Variants in SCFD2 observed in about 807,000 individuals in gnomAD.
SCFD2 encodes sec1 family domain-containing protein 2.
A neutral mutation model predicts 58.9 loss-of-function variants in SCFD2; 54 were observed. That is an observed-to-expected ratio of 0.92 (90% CI 0.74 to 1.15). The LOEUF is 1.15. Among genes scored for constraint, SCFD2 ranks in the 50% most tolerant of loss-of-function variants. The pLI is 0.00. For synonymous variants in SCFD2, 321 were observed against 335.9 expected (o/e 0.96, Z 0.49); for missense variants, 805 against 836.6 (o/e 0.96, Z 0.47).
intron 5 of SCFD2, among the ~76,000 whole-genome samples, chr4:52,944,534 G>A (rs571693191): frequency 2.6e-4 from 39 of 152,254 alleles, no homozygotes; most frequent in African/African-American, 8.9e-4. Flanking sequence ...ATGCAACACT[G>A]TAAAGAGATA....
At chr4:53,297,556 G>C (rs1219636228) in intron 3 of SCFD2, among the ~76,000 whole-genome samples, 1 of 151,916 alleles carries the variant, frequency 6.6e-6, no homozygotes, top group Non-Finnish European at 1.5e-5. Context: ...GTCCTTGCAT[G>C]TGAGATGGGT....
intron 5 of SCFD2, among the ~76,000 whole-genome samples, chr4:53,101,971 G>A (rs1197511119): frequency 6.6e-6 from 1 of 152,158 alleles, no homozygotes; most frequent in Non-Finnish European, 1.5e-5. Context: ...AAAAGAAAGA[G>A]TTGTGAGGAG....
chr4:53,177,151 T>C (rs771594985), intron 4 of SCFD2, among the ~76,000 whole-genome samples: 2 of 152,184 alleles, frequency 1.3e-5, no homozygotes, highest in Non-Finnish European at 2.9e-5. Context: ...GAGTGCCAGA[T>C]AGAAGAGATA....
chr4:52,966,527 C>CCTTACTCAACCAAGGGAGCT (rs1224155251), intron 5 of SCFD2, among the ~76,000 whole-genome samples: 2 of 152,178 alleles, frequency 1.3e-5, no homozygotes, highest in African/African-American at 4.8e-5. Context: ...CTCAACCACC[C>CCTTACTCAACCAAGGGAGCT]CTTACTCAAC....
At chr4:53,072,577 G>A (rs113963041) in intron 5 of SCFD2, among the ~76,000 whole-genome samples, 5 of 151,948 alleles carry the variant, frequency 3.3e-5, no homozygotes, top group Admixed American at 6.6e-5. Flanking sequence ...AAAAGATTAG[G>A]GGGGGGAAAG....
chr4:53,288,586 A>G (rs1461000441), intron 3 of SCFD2, among the ~76,000 whole-genome samples: 1 of 152,210 alleles, frequency 6.6e-6, no homozygotes. Flanking sequence ...GATATATTCA[A>G]AGTGCTGAAA....
intron 1 of SCFD2, among the ~76,000 whole-genome samples, chr4:53,353,364 T>A (rs1417063701): frequency 6.6e-6 from 1 of 152,148 alleles, no homozygotes; most frequent in Non-Finnish European, 1.5e-5. Flanking sequence ...TTACAGCTCA[T>A]AAAGGCATGC....
At chr4:52,988,963 G>A (rs1234488165) in intron 5 of SCFD2, among the ~76,000 whole-genome samples, 25 of 152,188 alleles carry the variant, frequency 1.6e-4, no homozygotes, top group Non-Finnish European at 3.7e-4. Context: ...CTATCTACCT[G>A]TTTCAAACAC....
chr4:53,179,177 C>A (rs533959218), intron 4 of SCFD2, among the ~76,000 whole-genome samples: 38 of 152,260 alleles, frequency 2.5e-4, no homozygotes, highest in Non-Finnish European at 5.4e-4. Flanking sequence ...TCAAGAGGAG[C>A]AACTCCAAGA....
intron 2 of SCFD2, among the ~76,000 whole-genome samples, chr4:53,342,143 A>G (rs1733897615): frequency 6.6e-6 from 1 of 152,230 alleles, no homozygotes; most frequent in Non-Finnish European, 1.5e-5. Context: ...AAATGCTCCA[A>G]TTAAAAGACA....
At chr4:53,289,676 T>C (rs1468590613) in intron 3 of SCFD2, among the ~76,000 whole-genome samples, 2 of 151,974 alleles carry the variant, frequency 1.3e-5, no homozygotes, top group Non-Finnish European at 2.9e-5. Flanking sequence ...TCAGAAGATA[T>C]AGAGTGGCTG....
chr4:53,174,693 T>C (rs546829499), intron 4 of SCFD2, among the ~76,000 whole-genome samples: 50 of 152,242 alleles, frequency 3.3e-4, no homozygotes, highest in Admixed American at 1.6e-3. Flanking sequence ...ATTAATGAAA[T>C]CTGTAATTGG....
At chr4:53,021,045 C>A (rs376820877) in intron 5 of SCFD2, among the ~76,000 whole-genome samples, 4 of 152,162 alleles carry the variant, frequency 2.6e-5, no homozygotes, top group South Asian at 2.1e-4. Context: ...GTGTTACATT[C>A]TTTTAGAAAT....
intron 3 of SCFD2, among the ~76,000 whole-genome samples, chr4:53,279,079 A>T (rs73250951): frequency 0.18 from 27,220 of 152,146 alleles, 3,083 homozygotes; most frequent in Admixed American, 0.28. Context: ...TAATGGACAG[A>T]ATATTTATTC....
intron 4 of SCFD2, among the ~76,000 whole-genome samples, chr4:53,243,623 A>C (rs575958951): frequency 3.5e-4 from 54 of 152,260 alleles, no homozygotes; most frequent in Middle Eastern, 3.4e-3. Flanking sequence ...AAATCCATAC[A>C]TATCAACTTT....
chr4:53,313,632 TTACCCA>T lies in SCFD2; in HGVS notation c.1133_1135+3del, dbSNP rs1160004668. The T allele has an allele frequency of 1.9e-6, 3 of 1,613,782 alleles. No individual in the cohort carries two copies. The highest frequency in any genetic ancestry group is 2.5e-6 in the Non-Finnish European group (3 of 1,179,840). On this transcript the variant is annotated splice_donor_variant and splice_donor_region_variant and coding_sequence_variant and intron_variant, in exon 3 of 9. Transcript: ENST00000401642. LOFTEE classifies it high-confidence loss of function. Reference sequence around the variant, plus strand: ...GGCTGCCTGTGTCCTAGGTTTAGGCTTACCCATACTCATCTTGATTGGCAGGTTTTC... The same window carrying T: ...GGCTGCCTGTGTCCTAGGTTTAGGCTTACTCATCTTGATTGGCAGGTTTTC...
At chr4:53,079,334 G>A (rs1237209734) in intron 5 of SCFD2, among the ~76,000 whole-genome samples, 2 of 152,110 alleles carry the variant, frequency 1.3e-5, no homozygotes. Flanking sequence ...TGGTGAGGGC[G>A]ATTACACAGT....
rs529780855 is a variant in SCFD2, at chr4:53,102,632, C to A, written c.1561+42701G>T. ...TTACATTAAAATATGAAAATATGTTCAATTTTACATAAAAGGAAAATTCAT... is the reference window on the plus strand; with the variant it reads ...TTACATTAAAATATGAAAATATGTTAAATTTTACATAAAAGGAAAATTCAT... On this transcript the variant is annotated intron_variant, in intron 5 of 8. Transcript: ENST00000401642. 3.1e-3 allele frequency among the ~76,000 whole-genome samples: 472 copies of A among 151,948 alleles called. 1 individual carries two copies. Among genetic ancestry groups the A allele is most frequent in the African/African-American group, 0.011 (438 of 41,488 alleles).
intron 3 of SCFD2, among the ~76,000 whole-genome samples, chr4:53,306,173 G>C (rs1238119171): frequency 6.6e-6 from 1 of 152,184 alleles, no homozygotes; most frequent in East Asian, 1.9e-4. Flanking sequence ...CTGAACCATA[G>C]GAAATGGGGT....
Sources: allele counts gnomAD v4.1 joint callset (sites outside exome capture counted in the v4.1 genomes callset), GRCh38; gene constraint gnomAD v4.1.1; transcripts MANE v1.5; gene names NCBI Gene and HGNC (gene_info 2026-07-23, HGNC 2026-07-21).